SDCCAG8: variants seen among roughly 807,000 people sequenced by gnomAD.
The protein encoded by SDCCAG8 is SHH signaling and ciliogenesis regulator SDCCAG8.
A neutral mutation model predicts 101.8 loss-of-function variants in SDCCAG8; 74 were observed. The observed-to-expected ratio is 0.73, with a 90% CI of 0.60 to 0.88. The LOEUF is 0.88. Ranked by LOEUF, SDCCAG8 falls within the 40% of genes least tolerant of loss-of-function variation. SDCCAG8 has a pLI of 0.00. For missense variants in SDCCAG8, 787 were observed against 822.6 expected (o/e 0.96, Z 0.53); for synonymous variants, 281 against 292.9 (o/e 0.96, Z 0.41).
At chr1:243,455,267 T>A (rs191434329) in intron 16 of SDCCAG8, among the ~76,000 whole-genome samples, 254 of 152,204 alleles carry the variant, frequency 1.7e-3, no homozygotes, top group Non-Finnish European at 2.6e-3. Context: ...CCATCTATCT[T>A]TATTTTTGTT....
intron 16 of SDCCAG8, chr1:243,475,891 A>T: frequency 2.0e-6 from 2 of 978,438 alleles, no homozygotes; most frequent in Non-Finnish European, 2.4e-6. Flanking sequence ...TGCAGCCCAA[A>T]TATTAAAAAT....
rs1216918632 is a variant in SDCCAG8 at position 243,383,764 on chromosome 1, C to T, written c.1616+4901C>T. Among the ~76,000 whole-genome samples, 4 of 152,134 alleles carry T rather than the reference C, an allele frequency of 2.6e-5. No homozygotes were observed. The East Asian group carries it at 7.7e-4, about 29-fold the overall frequency. On this transcript the variant is annotated intron_variant, in intron 13 of 17. Transcript: ENST00000366541. The stretch of plus-strand genomic sequence containing the variant: ...CACTCTATTAGAGAAAGGCAAATGA[C>T]AACATGGCATGTGAGGTCATCCTGA...
At chr1:243,292,094 T>C (rs2070324963) in intron 5 of SDCCAG8, among the ~76,000 whole-genome samples, 1 of 152,192 alleles carries the variant, frequency 6.6e-6, no homozygotes, top group Non-Finnish European at 1.5e-5. Context: ...TCTGTGGAGT[T>C]TGGGTACACC....
chr1:243,482,213 T>C (rs1172081762), intron 16 of SDCCAG8, among the ~76,000 whole-genome samples: 1 of 152,218 alleles, frequency 6.6e-6, no homozygotes, highest in African/African-American at 2.4e-5. Flanking sequence ...CTCTATAAAG[T>C]TGTTTTGTAT....
In SDCCAG8 at chr1:243,485,275, C is replaced by T. The variant is rs1574331984; in HGVS notation, c.1986-3739C>T. ...ATGGGGATGATACTAGCATGTACCT[C>T]CTAGGACTATAGTGAACTTTTAATT... is the stretch of plus-strand genomic sequence containing the variant. On this transcript the variant is annotated intron_variant, in intron 16 of 17. Coordinates refer to ENST00000366541, the MANE Select transcript of SDCCAG8 (RefSeq NM_006642.5). 2.0e-5 allele frequency among the ~76,000 whole-genome samples: 3 copies of T among 152,132 alleles called. No individual in the cohort carries two copies. The East Asian group carries it at 5.8e-4, about 29-fold the overall frequency.
chr1:243,417,706 A>G (rs1044918817), intron 14 of SDCCAG8, among the ~76,000 whole-genome samples: 34 of 152,338 alleles, frequency 2.2e-4, no homozygotes, highest in African/African-American at 7.5e-4. Flanking sequence ...GGTATTTGAC[A>G]CTTTATTAAC....
chr1:243,344,435 A>G, intron 12 of SDCCAG8, 104 bp downstream of exon 12: 1 of 940,362 alleles, frequency 1.1e-6, no homozygotes, highest in Non-Finnish European at 1.7e-6. Context: ...TATTGTTTCT[A>G]ACTAATGGGA....
intron 7 of SDCCAG8, chr1:243,307,510 G>GT (rs1218129091): frequency 4.4e-5 from 43 of 984,076 alleles, no homozygotes; most frequent in East Asian, 2.3e-4. Context: ...AAAAATCCAT[G>GT]TTTTTTTATG....
intron 12 of SDCCAG8, among the ~76,000 whole-genome samples, chr1:243,363,414 CA>C (rs2076828609): frequency 2.0e-5 from 3 of 152,142 alleles, no homozygotes; most frequent in Non-Finnish European, 2.9e-5. Flanking sequence ...GCTAAGAAAT[CA>C]AAGTGCCGTT....
At chr1:243,328,192 G>A (rs2074338304) in intron 9 of SDCCAG8, among the ~76,000 whole-genome samples, 1 of 151,720 alleles carries the variant, frequency 6.6e-6, no homozygotes. Flanking sequence ...ATGAGCCACT[G>A]TGCCCGGCCT....
chr1:243,473,917 G>A (rs1661734810), intron 16 of SDCCAG8, among the ~76,000 whole-genome samples: 1 of 38,298 alleles, frequency 2.6e-5, no homozygotes, highest in Admixed American at 2.3e-4. Context: ...GAGGAGAGTT[G>A]CCGGCGGGGG....
rs1370761149 is a variant in SDCCAG8 at position 243,283,256 on chromosome 1, TG to T, written c.421-3010del. Among the ~76,000 whole-genome samples the T allele has an allele frequency of 2.0e-5, 3 of 152,154 alleles. No homozygotes were observed. In the East Asian group the frequency reaches 5.8e-4, roughly 29 times the overall value. On this transcript the variant is annotated intron_variant, in intron 4 of 17. Coordinates refer to ENST00000366541, the MANE Select transcript of SDCCAG8 (RefSeq NM_006642.5). ...AATATGATATTCCTCAGTGTATTTT[TG>T]GGGGGTATTTATCCTGCTTGGTGTT... is the stretch of plus-strand genomic sequence containing the variant.
At chr1:243,344,465 A>C (rs2147791747) in intron 12 of SDCCAG8, 134 bp downstream of exon 12, 1 of 760,960 alleles carries the variant, frequency 1.3e-6, no homozygotes, top group East Asian at 2.7e-5. Flanking sequence ...TTACACTGTT[A>C]GGAAAATTTC....
In SDCCAG8 at chr1:243,415,845, A is replaced by G. The variant is rs1302636927; in HGVS notation, c.1744+16A>G. 1.2e-6 allele frequency: 2 copies of G among 1,612,252 alleles called. No individual in the cohort carries two copies. Among genetic ancestry groups the G allele is most frequent in the South Asian group, 1.1e-5 (1 of 90,960 alleles). On this transcript the variant is annotated intron_variant, in intron 14 of 17. Transcript: ENST00000366541. ...GACAAAACTGGTAGGTGGTAGGGAA[A>G]GATTAGAGCCTGGGCACTAGCTCAC...
At chr1:243,430,467 C>T (rs1170115377) in intron 16 of SDCCAG8, among the ~76,000 whole-genome samples, 1 of 151,864 alleles carries the variant, frequency 6.6e-6, no homozygotes. Flanking sequence ...TTTTTTGATA[C>T]GGAGTCTCTC....
intron 12 of SDCCAG8, among the ~76,000 whole-genome samples, chr1:243,371,327 A>G (rs1187823569): frequency 6.6e-6 from 1 of 152,078 alleles, no homozygotes; most frequent in Non-Finnish European, 1.5e-5. Context: ...AAATCAGACT[A>G]ACTCCGTTTT....
At chr1:243,360,812 A>G (rs1264441129) in intron 12 of SDCCAG8, among the ~76,000 whole-genome samples, 1 of 151,874 alleles carries the variant, frequency 6.6e-6, no homozygotes, top group Admixed American at 6.6e-5. Flanking sequence ...ATAGAGTGAG[A>G]CTCCATCTCA....
intron 13 of SDCCAG8, among the ~76,000 whole-genome samples, chr1:243,407,062 T>C (rs1379185359): frequency 6.6e-6 from 1 of 152,198 alleles, no homozygotes; most frequent in Non-Finnish European, 1.5e-5. Flanking sequence ...AAAACTCGTT[T>C]ATTTTGTTCA....
At chr1:243,356,386 TTA>T (rs1314726318) in intron 12 of SDCCAG8, among the ~76,000 whole-genome samples, 1 of 125,190 alleles carries the variant, frequency 8.0e-6, no homozygotes, top group Non-Finnish European at 1.6e-5. Context: ...TTATCTTTAG[TTA>T]TAAAAACAAG....
Sources: allele counts gnomAD v4.1 joint callset (sites outside exome capture counted in the v4.1 genomes callset), GRCh38; gene constraint gnomAD v4.1.1; transcripts MANE v1.5; gene names NCBI Gene and HGNC (gene_info 2026-07-23, HGNC 2026-07-21).